The following SEMA5A variants were observed in gnomAD, a reference collection of about 807,000 sequenced individuals.
The protein encoded by SEMA5A is semaphorin 5A.
In SEMA5A, 55 loss-of-function variants were observed where a neutral mutation model predicts 135.5. The ratio of observed to expected loss-of-function variants is 0.41; its 90% confidence interval spans 0.33 to 0.51. The LOEUF is 0.51. Among genes scored for constraint, SEMA5A ranks in the 20% least tolerant of loss-of-function variants. The pLI is 0.37. For missense variants in SEMA5A, 1,290 were observed against 1,419.9 expected, an observed-to-expected ratio of 0.91 and a Z score of 1.47; for synonymous variants, 580 against 546.5, an observed-to-expected ratio of 1.06 and a Z score of -0.85.
intron 8 of SEMA5A, among the ~76,000 whole-genome samples, chr5:9,212,525 A>G (rs1746396070): frequency 1.3e-5 from 2 of 152,226 alleles, no homozygotes; most frequent in Non-Finnish European, 2.9e-5. Context: ...TTGAGAAATG[A>G]CAATAAATAA....
At position 9,259,280 on chromosome 5, in the gene SEMA5A, T is replaced by TC. The variant is rs1409676150; in HGVS notation, c.271-21391dup. ...CAAAAGGTTTGTAGTACCAAATTTT[T>TC]CCCCACATGTTCACTTGAAATTATT... On this transcript the variant is annotated intron_variant, in intron 5 of 22. Coordinates refer to ENST00000382496, the MANE Select transcript of SEMA5A (RefSeq NM_003966.3). 3.3e-5 allele frequency among the ~76,000 whole-genome samples: 5 copies of TC among 152,334 alleles called. No homozygotes were observed. The East Asian group carries it at 5.8e-4, about 18-fold the overall frequency.
chr5:9,165,014 C>A (rs142121881), intron 11 of SEMA5A, among the ~76,000 whole-genome samples: 1 of 152,172 alleles, frequency 6.6e-6, no homozygotes, highest in African/African-American at 2.4e-5. Flanking sequence ...CTTCTATCAT[C>A]ATGAGTGCAT....
chr5:9,245,285 G>A (rs1748427266), intron 5 of SEMA5A, among the ~76,000 whole-genome samples: 1 of 152,004 alleles, frequency 6.6e-6, no homozygotes, highest in Non-Finnish European at 1.5e-5. Flanking sequence ...TCAGTTATCA[G>A]ATCAAAAAAA....
intron 2 of SEMA5A, among the ~76,000 whole-genome samples, chr5:9,401,420 A>G (rs894125957): frequency 5.9e-5 from 9 of 152,152 alleles, no homozygotes; most frequent in Admixed American, 2.6e-4. Flanking sequence ...CTAGAATCTC[A>G]GAACTATCCC....
chr5:9,412,861 G>A (rs1354212208), intron 2 of SEMA5A, among the ~76,000 whole-genome samples: 1 of 152,010 alleles, frequency 6.6e-6, no homozygotes. Flanking sequence ...TTAGATTTTG[G>A]ATCACTTTGG....
At position 9,545,138 on chromosome 5, in the gene SEMA5A, G is replaced by A. The variant is rs1579720229; in HGVS notation, c.-175+446C>T. 6.6e-6 allele frequency among the ~76,000 whole-genome samples: 1 copy of A among 152,140 alleles called. No homozygotes were observed. The highest frequency in any genetic ancestry group is 2.4e-5 in the African/African-American group (1 of 41,448). On this transcript the variant is annotated intron_variant, in intron 1 of 22. Transcript: ENST00000382496. The surrounding 1 kb of genome is among the most constrained non-coding windows in gnomAD (Gnocchi z 4.5). ...AGCAGGAAAACCTGCCCAAGCCGGT[G>A]GGGCTGCGAGGTGGCCGCTCCCGAA...
At chr5:9,157,494 G>A (rs562375892) in intron 11 of SEMA5A, among the ~76,000 whole-genome samples, 1 of 152,242 alleles carries the variant, frequency 6.6e-6, no homozygotes, top group South Asian at 2.1e-4. Flanking sequence ...GCCGATGATG[G>A]GACCTCTCCT....
At chr5:9,058,956 G>T (rs1737038060) in intron 18 of SEMA5A, among the ~76,000 whole-genome samples, 1 of 152,154 alleles carries the variant, frequency 6.6e-6, no homozygotes, top group Non-Finnish European at 1.5e-5. Flanking sequence ...GGAAGAGAGG[G>T]TTCTGAGCAC....
At chr5:9,265,445 T>C (rs1450706582) in intron 5 of SEMA5A, 2 of 456,270 alleles carry the variant, frequency 4.4e-6, no homozygotes, top group Non-Finnish European at 8.8e-6. Context: ...TTCCTTCCAC[T>C]GTAAGGCCTG....
intron 2 of SEMA5A, among the ~76,000 whole-genome samples, chr5:9,394,119 GTGAATA>G (rs1409701649): frequency 1.3e-5 from 2 of 152,164 alleles, no homozygotes; most frequent in Non-Finnish European, 2.9e-5. Context: ...TAGTGCTACT[GTGAATA>G]TGAATAAGTG....
rs143957371 is a variant in SEMA5A at position 9,334,891 on chromosome 5, T to C, written c.224+2822A>G. Among the ~76,000 whole-genome samples, 705 of 152,310 alleles carry C rather than the reference T, an allele frequency of 4.6e-3. 17 individuals are homozygous for C. In the East Asian group the frequency reaches 0.058, roughly 13 times the overall value. ...AGTCTGGCAATCCTATGTATTCATG[T>C]CCACCATGCCATACAGCATGCTAGG... On this transcript the variant is annotated intron_variant, in intron 4 of 22. Transcript: ENST00000382496.
intron 16 of SEMA5A, among the ~76,000 whole-genome samples, chr5:9,081,007 C>A (rs535864678): frequency 1.1e-4 from 16 of 152,316 alleles, no homozygotes; most frequent in African/African-American, 3.6e-4. Context: ...CTCCTCGTAC[C>A]TTACTAGAAA....
At chr5:9,537,675 A>C (rs2126369751) in intron 1 of SEMA5A, among the ~76,000 whole-genome samples, 1 of 152,374 alleles carries the variant, frequency 6.6e-6, no homozygotes, top group Middle Eastern at 3.4e-3. Flanking sequence ...GTTCAAAGTG[A>C]GCTGGTCAGA....
At chr5:9,517,349 G>A (rs907049012) in intron 1 of SEMA5A, 1 of 152,220 alleles carries the variant, frequency 6.6e-6, no homozygotes, top group Admixed American at 6.5e-5. Flanking sequence ...TGCTCTGAAA[G>A]TGCATGTGGC....
At chr5:9,428,516 T>C (rs143339444) in intron 2 of SEMA5A, among the ~76,000 whole-genome samples, 32 of 152,312 alleles carry the variant, frequency 2.1e-4, no homozygotes, top group African/African-American at 7.5e-4. Context: ...GCTATTTGAA[T>C]ACCTCACCTT....
At chr5:9,194,556 G>C (rs1745287858) in intron 10 of SEMA5A, among the ~76,000 whole-genome samples, 1 of 152,192 alleles carries the variant, frequency 6.6e-6, no homozygotes, top group Middle Eastern at 3.2e-3. Flanking sequence ...TGCCAGTCTG[G>C]ATGGTTTCAT....
At chr5:9,425,327 C>T (rs546739744) in intron 2 of SEMA5A, among the ~76,000 whole-genome samples, 2 of 152,326 alleles carry the variant, frequency 1.3e-5, no homozygotes, top group Non-Finnish European at 2.9e-5. Flanking sequence ...GTCTTGCTTA[C>T]GTGCATATCG....
chr5:9,225,568 C>CAAAAAAAAAAA (rs3034595), intron 7 of SEMA5A, among the ~76,000 whole-genome samples: 2 of 112,338 alleles, frequency 1.8e-5, no homozygotes, highest in African/African-American at 6.8e-5. Flanking sequence ...GACTCTGTCT[C>CAAAAAAAAAAA]AAAAAAAAAA....
chr5:9,197,430 G>T, intron 9 of SEMA5A, 127 bp from the exon 10 acceptor site: 2 of 1,139,446 alleles, frequency 1.8e-6, no homozygotes, highest in Non-Finnish European at 2.5e-6. Flanking sequence ...GTCTCTTAAA[G>T]ATCCCAAAAG....
Sources: gnomAD v4.1 joint callset for allele counts (sites outside exome capture counted in the v4.1 genomes callset) on GRCh38, gnomAD v4.1.1 for gene constraint, Gnocchi (gnomAD v3.1) non-coding constraint, MANE v1.5 for transcripts, NCBI Gene and HGNC (gene_info 2026-07-23, HGNC 2026-07-21) for gene names.